Variants in TFCP2L1 observed in about 807,000 individuals in gnomAD.
TFCP2L1 encodes transcription factor CP2 like 1.
TFCP2L1 carries 12 observed loss-of-function variants against 72.2 expected under a neutral mutation model. The ratio of observed to expected loss-of-function variants is 0.17; its 90% confidence interval spans 0.11 to 0.27. The LOEUF (loss-of-function observed/expected upper bound fraction) is 0.27, where lower values mean the gene tolerates loss of function less well. Ranked by LOEUF, TFCP2L1 falls within the 10% of genes least tolerant of loss-of-function variation. The probability of loss-of-function intolerance (pLI) is 1.00; values close to 1 mark genes in which losing one functional copy is unlikely to be tolerated. For missense variants in TFCP2L1, 488 were observed against 624.6 expected (o/e 0.78, Z 2.33); for synonymous variants, 260 against 251.0 (o/e 1.04, Z -0.34).
chr2:121,224,448 G>C (rs1685982830), intron 14 of TFCP2L1, 61 bp from the exon 15 acceptor site: 2 of 1,578,888 alleles, frequency 1.3e-6, no homozygotes, highest in Non-Finnish European at 8.7e-7. Context: ...CACAGTATTG[G>C]GGAGTCCCAA....
intron 2 of TFCP2L1, among the ~76,000 whole-genome samples, chr2:121,268,713 C>T (rs540054601): frequency 3.7e-4 from 56 of 151,504 alleles, no homozygotes; most frequent in African/African-American, 1.3e-3. Context: ...CCAACATTCA[C>T]CACTTTCAAT....
In TFCP2L1 at chr2:121,257,524, C is replaced by A. The variant is rs575232974; in HGVS notation, c.215-7877G>T. Among the ~76,000 whole-genome samples, 44 of 152,316 alleles carry A rather than the reference C, an allele frequency of 2.9e-4. 2 individuals carry two copies. The South Asian group carries it at 6.4e-3, about 22-fold the overall frequency. On this transcript the variant is annotated intron_variant, in intron 2 of 14. Coordinates refer to ENST00000263707, the MANE Select transcript of TFCP2L1 (RefSeq NM_014553.3). ...CACCCACCTGAAGAGCAGCAGGGGGCAGGGGGGAGGCCAGATAAAATACAC... is the reference window on the plus strand; with the variant it reads ...CACCCACCTGAAGAGCAGCAGGGGGAAGGGGGGAGGCCAGATAAAATACAC...
chr2:121,262,702 C>G (rs200270589), intron 2 of TFCP2L1, among the ~76,000 whole-genome samples: 5,275 of 152,116 alleles, frequency 0.035, 134 homozygotes, highest in East Asian at 0.14. Context: ...GTAATTGTAC[C>G]ACTGTTATGT....
At chr2:121,259,305 T>C (rs1686786900) in intron 2 of TFCP2L1, among the ~76,000 whole-genome samples, 1 of 152,074 alleles carries the variant, frequency 6.6e-6, no homozygotes, top group Non-Finnish European at 1.5e-5. Flanking sequence ...AAGATCATGT[T>C]GTCTGCAACT....
intron 1 of TFCP2L1, among the ~76,000 whole-genome samples, chr2:121,284,402 G>A (rs1405641055): frequency 6.6e-6 from 1 of 152,210 alleles, no homozygotes; most frequent in East Asian, 1.9e-4. Context: ...GGGGAACTGT[G>A]CAAAACACGC....
At chr2:121,257,908 A>G (rs191780836) in intron 2 of TFCP2L1, among the ~76,000 whole-genome samples, 2 of 152,234 alleles carry the variant, frequency 1.3e-5, no homozygotes, top group East Asian at 3.9e-4. Context: ...CAGCCCCTCA[A>G]TGGACAACGG....
rs1255893411 is a variant in TFCP2L1, at chr2:121,218,187, T to C, written c.*6154A>G. On this transcript the variant is annotated 3_prime_UTR_variant, in exon 15 of 15. Coordinates refer to ENST00000263707, the MANE Select transcript of TFCP2L1 (RefSeq NM_014553.3). ...GCCAAGAGGCAAAATCAATATTATGTTGGCGTAAGAGCAAACAAATTTCCA... is the reference window on the plus strand; with the variant it reads ...GCCAAGAGGCAAAATCAATATTATGCTGGCGTAAGAGCAAACAAATTTCCA... 2 of 152,218 alleles carry C rather than the reference T, an allele frequency of 1.3e-5. No individual in the cohort carries two copies. The highest frequency in any genetic ancestry group is 1.3e-4 in the Admixed American group (2 of 15,274). The allele number at this position is 152,218 out of a possible 1,614,324, so 9.4% of individuals were successfully genotyped here. A position where few individuals can be genotyped will look rare whatever the true frequency, so the allele number is the denominator to read the frequency against.
Position 121,221,908 on chromosome 2 carries a change from A to T in TFCP2L1, c.*2433T>A, listed in dbSNP as rs1227367669. ...CAAATAGCTCACCCAACTCAATAATAAAAAGAAGGCTCATCCCTGGTAGTC... is the reference window on the plus strand; with the variant it reads ...CAAATAGCTCACCCAACTCAATAATTAAAAGAAGGCTCATCCCTGGTAGTC... On this transcript the variant is annotated 3_prime_UTR_variant, in exon 15 of 15. Coordinates refer to ENST00000263707, the MANE Select transcript of TFCP2L1 (RefSeq NM_014553.3). The T allele has an allele frequency of 1.3e-5, 2 of 152,118 alleles. No homozygotes were observed. The highest frequency in any genetic ancestry group is 4.8e-5 in the African/African-American group (2 of 41,432). 9.4% of individuals were successfully genotyped at this position (152,118 alleles called of 1,614,324 possible). A position where few individuals can be genotyped will look rare whatever the true frequency, so the allele number is the denominator to read the frequency against.
rs774742576 is a variant in TFCP2L1, at chr2:121,285,160, G to A, written c.-51C>T. The A allele has an allele frequency of 1.4e-6, 2 of 1,410,482 alleles. No homozygotes were observed. The highest frequency in any genetic ancestry group is 1.9e-6 in the Non-Finnish European group (2 of 1,077,824). The allele number at this position is 1,410,482 out of a possible 1,614,324, so 87.4% of individuals were successfully genotyped here. ...GGGGCGCGGCAGCAAGCGCAGACGC[G>A]GGGCGCGCCGAGGACCCAGCGGCGG... is the stretch of plus-strand genomic sequence containing the variant. On this transcript the variant is annotated 5_prime_UTR_variant, in exon 1 of 15. Transcript: ENST00000263707.
chr2:121,237,891 C>T (rs575552331), intron 8 of TFCP2L1, 41 bp from the exon 9 acceptor site: 4 of 1,610,174 alleles, frequency 2.5e-6, no homozygotes, highest in Admixed American at 1.7e-5. Flanking sequence ...AGAGGGGGCT[C>T]CCAGGGCAAT....
intron 6 of TFCP2L1, 139 bp downstream of exon 6, chr2:121,246,679 C>T (rs1686493331): frequency 1.8e-6 from 2 of 1,112,648 alleles, no homozygotes; most frequent in African/African-American, 3.1e-5. Flanking sequence ...CATTAGAAGC[C>T]CAGGTAGAAG....
chr2:121,280,968 A>G (rs1687245104), intron 2 of TFCP2L1, 152 bp downstream of exon 2: 1 of 905,612 alleles, frequency 1.1e-6, no homozygotes, highest in Admixed American at 2.8e-5. Context: ...CAGCTGGAAA[A>G]TGGAATCTGA....
At chr2:121,239,784 G>C (rs1043226282) in intron 7 of TFCP2L1, 135 bp from the exon 8 acceptor site, 5 of 897,294 alleles carry the variant, frequency 5.6e-6, no homozygotes, top group Non-Finnish European at 6.6e-6. Flanking sequence ...CGTTTACCCA[G>C]TGCCCACAGT....
rs1021371128 is a variant in TFCP2L1, at chr2:121,231,907, G to A, written c.1260C>T (p.Asn420=). The A allele has an allele frequency of 6.2e-7, 1 of 1,613,592 alleles. No homozygotes were observed. The change falls in exon 13 of 15, where the codon AAC becomes AAT. Residue 420 remains asparagine, a synonymous_variant. Transcript: ENST00000263707. ...TTLELIEKIA[N]LYSISPQHIH... is the part of the protein sequence containing the mutation. ...TGTGCTGGGGGGAGATGCTGTACAG[G>A]TTGGCGATCTTCTCAATCAGCTCCA...
chr2:121,260,343 T>C (rs943661682), intron 2 of TFCP2L1, among the ~76,000 whole-genome samples: 4 of 152,164 alleles, frequency 2.6e-5, no homozygotes, highest in Admixed American at 6.5e-5. Flanking sequence ...AGTTCTTAAA[T>C]CTCTCAGCAT....
chr2:121,217,894 C>T lies in TFCP2L1; in HGVS notation c.*6447G>A, dbSNP rs1685862533. 1 of 152,266 alleles carries T rather than the reference C, an allele frequency of 6.6e-6. No individual in the cohort carries two copies. Among genetic ancestry groups the T allele is most frequent in the Non-Finnish European group, 1.5e-5 (1 of 68,064 alleles). The allele number at this position is 152,266 out of a possible 1,614,324, so 9.4% of individuals were successfully genotyped here. A position where few individuals can be genotyped will look rare whatever the true frequency, so the allele number is the denominator to read the frequency against. ...GCGGGGTGGACTCTGCAGGAGCCAG[C>T]TGAAGCACCAGAACCTTCCAAGGGG... On this transcript the variant is annotated 3_prime_UTR_variant, in exon 15 of 15. Coordinates refer to ENST00000263707, the MANE Select transcript of TFCP2L1 (RefSeq NM_014553.3).
chr2:121,283,891 A>G (rs765690788), intron 1 of TFCP2L1, among the ~76,000 whole-genome samples: 6 of 152,194 alleles, frequency 3.9e-5, no homozygotes, highest in Non-Finnish European at 5.9e-5. Context: ...TGGTGACATC[A>G]CCGTGGTCTG....
intron 2 of TFCP2L1, among the ~76,000 whole-genome samples, chr2:121,268,006 A>G (rs542479607): frequency 6.6e-6 from 1 of 152,320 alleles, no homozygotes; most frequent in South Asian, 2.1e-4. Context: ...TATAAAATAT[A>G]TGTTAGCCAG....
intron 2 of TFCP2L1, among the ~76,000 whole-genome samples, chr2:121,252,672 C>A (rs1326279790): frequency 2.0e-5 from 3 of 152,114 alleles, no homozygotes; most frequent in Admixed American, 2.0e-4. Flanking sequence ...CACCAAAGCT[C>A]AAAGGTGTGA....
Sources: allele counts gnomAD v4.1 joint callset (sites outside exome capture counted in the v4.1 genomes callset), GRCh38; gene constraint gnomAD v4.1.1; transcripts MANE v1.5; gene names NCBI Gene and HGNC (gene_info 2026-07-23, HGNC 2026-07-21).